The following CTR9 variants were observed in gnomAD, a reference collection of about 807,000 sequenced individuals.
CTR9 encodes CTR9 component of Paf1/RNA polymerase II complex.
A neutral mutation model predicts 152.1 loss-of-function variants in CTR9; 41 were observed. The ratio of observed to expected loss-of-function variants is 0.27; its 90% CI spans 0.21 to 0.35. The LOEUF (loss-of-function observed/expected upper bound fraction) is 0.35. Ranked by LOEUF, CTR9 falls within the 10% of genes least tolerant of loss-of-function variation. The pLI, the probability that CTR9 is intolerant of heterozygous loss-of-function variation, is 1.00. For missense variants in CTR9, 917 were observed against 1,424.4 expected (o/e 0.64, Z 5.73); for synonymous variants, 476 against 496.2 (o/e 0.96, Z 0.54).
chr11:10,756,684 TG>T, intron 4 of CTR9, 64 bp from the exon 5 acceptor site: 2 of 1,089,290 alleles, frequency 1.8e-6, no homozygotes, highest in Non-Finnish European at 2.7e-6. Flanking sequence ...GATAAGTTAG[TG>T]TAAAACATAA....
At chr11:10,760,443 T>C in intron 6 of CTR9, 122 bp downstream of exon 6, 1 of 932,428 alleles carries the variant, frequency 1.1e-6, no homozygotes, top group East Asian at 2.6e-5. Flanking sequence ...GAAGGGTACC[T>C]GTACTTTGTA....
intron 22 of CTR9, 68 bp from the exon 23 acceptor site, chr11:10,775,139 T>C (rs760324567): frequency 1.8e-5 from 22 of 1,254,814 alleles, no homozygotes; most frequent in Non-Finnish European, 2.4e-5. Flanking sequence ...AATAATTTAA[T>C]GGCAAAGTAG....
chr11:10,765,474 G>A (rs1485347397), intron 12 of CTR9, among the ~76,000 whole-genome samples: 1 of 151,844 alleles, frequency 6.6e-6, no homozygotes. Context: ...GTTTTGTTTT[G>A]TTTTTAAGAT....
intron 24 of CTR9, among the ~76,000 whole-genome samples, chr11:10,777,653 G>A (rs1469917375): frequency 6.6e-6 from 1 of 152,198 alleles, no homozygotes; most frequent in African/African-American, 2.4e-5. Flanking sequence ...TCAAGGCCAA[G>A]TTTGTTTGAG....
At chr11:10,756,176 G>GT (rs1292795688) in intron 4 of CTR9, among the ~76,000 whole-genome samples, 1 of 152,092 alleles carries the variant, frequency 6.6e-6, no homozygotes, top group Non-Finnish European at 1.5e-5. Context: ...AGAGTAATTG[G>GT]TTATACACTT....
chr11:10,765,989 G>A (rs1400621823), intron 12 of CTR9, among the ~76,000 whole-genome samples: 1 of 152,086 alleles, frequency 6.6e-6, no homozygotes, highest in Admixed American at 6.5e-5. Context: ...TTAGAGCCCA[G>A]ATCTTCTAAG....
rs114777046 is a variant in CTR9, at chr11:10,763,229, T to C, written c.850-202T>C. 7.6e-3 allele frequency among the ~76,000 whole-genome samples: 1,114 copies of C among 147,524 alleles called. 17 individuals are homozygous for C. Among genetic ancestry groups the C allele is most frequent in the African/African-American group, 0.026 (1,062 of 40,162 alleles). ...TGACCTTAGACTAACCACAGTGCTT[T>C]ACTCTTTCTGGCTGTAGAAACATAC... On this transcript the variant is annotated intron_variant, in intron 7 of 24. Coordinates refer to ENST00000361367, the MANE Select transcript of CTR9 (RefSeq NM_014633.5).
At position 10,768,141 on chromosome 11, in the gene CTR9, T is replaced by C; in HGVS notation, c.1940T>C (p.Leu647Pro). Residue 647 changes from leucine to proline, a missense_variant, in exon 15 of 25, where the codon CTG becomes CCG. Leu to Pro is a moderately conservative substitution (Grantham distance 98). Around this residue, in one of 9 missense-constraint regions of CTR9, gnomAD observed 87 missense variants for 235.7 expected, o/e 0.37. Transcript: ENST00000361367. ...GTACTCAGAAATGATGCAAAGAATCTGTATGCTGCCAATGGCATAGGTGAT... is the reference window on the plus strand; with the variant it reads ...GTACTCAGAAATGATGCAAAGAATCCGTATGCTGCCAATGGCATAGGTGAT... Reference protein sequence around the residue: ...KQVLRNDAKNLYAANGIGAVL... With the variant: ...KQVLRNDAKNPYAANGIGAVL... 6.2e-7 allele frequency: 1 copy of C among 1,613,976 alleles called. No individual in the cohort carries two copies. The highest frequency in any genetic ancestry group is 8.5e-7 in the Non-Finnish European group (1 of 1,179,940).
rs1055494779 is a variant in CTR9 at position 10,764,864 on chromosome 11, C to A, written c.1597+133C>A. On this transcript the variant is annotated intron_variant, in intron 12 of 24. Coordinates refer to ENST00000361367, the MANE Select transcript of CTR9 (RefSeq NM_014633.5). The stretch of plus-strand genomic sequence containing the variant: ...TTCTAATGTCCCCATTTCTCCAGGG[C>A]AAATTTGTGGCCTTAAAACAAAGGT... The A allele has an allele frequency of 5.1e-6, 4 of 777,930 alleles. No individual in the cohort carries two copies. In the African/African-American group the frequency reaches 5.2e-5, roughly 10 times the overall value. The allele number at this position is 777,930 out of a possible 1,614,324, so 48.2% of individuals were successfully genotyped here.
intron 6 of CTR9, among the ~76,000 whole-genome samples, chr11:10,761,250 T>G (rs1862971402): frequency 6.6e-6 from 1 of 152,164 alleles, no homozygotes; most frequent in Non-Finnish European, 1.5e-5. Context: ...AGGAAAAGAT[T>G]ATCTGGACTG....
At chr11:10,764,223 A>G (rs770505825) in intron 10 of CTR9, 22 bp downstream of exon 10, 5 of 1,613,408 alleles carry the variant, frequency 3.1e-6, no homozygotes, top group Non-Finnish European at 3.4e-6. Flanking sequence ...ATGTTTTTTA[A>G]TCTCTCATAT....
Position 10,779,259 on chromosome 11 carries a change from C to T in CTR9, c.*154C>T, listed in dbSNP as rs546879477. The stretch of plus-strand genomic sequence containing the variant: ...TTGTATATTACTAAGCCCCAAGAGA[C>T]ATTTCCTGTGCTAGAGTCCAATATT... On this transcript the variant is annotated 3_prime_UTR_variant, in exon 25 of 25. Coordinates refer to ENST00000361367, the MANE Select transcript of CTR9 (RefSeq NM_014633.5). The T allele has an allele frequency of 1.1e-5, 8 of 698,318 alleles. No homozygotes were observed. In the South Asian group the frequency reaches 1.4e-4, roughly 12 times the overall value. 43.3% of individuals were successfully genotyped at this position (698,318 alleles called of 1,614,324 possible).
chr11:10,775,212 C>T lies in CTR9; in HGVS notation c.2891C>T (p.Pro964Leu). ...CTTGGTGTTCACTATTTAAGACATC[C>T]AAAGGGAGAAGAAGGATCTGATGAT... is the stretch of plus-strand genomic sequence containing the variant. ...ERKKKKRRRH[P>L]KGEEGSDDDE... The change falls in exon 23 of 25, where the codon CCA becomes CTA. Residue 964 changes from proline to leucine, a missense_variant. Physicochemically the swap from Pro to Leu is moderately conservative, Grantham distance 98. Around this residue, in one of 9 missense-constraint regions of CTR9, gnomAD observed 384 missense variants for 398.4 expected, o/e 0.96. Coordinates refer to ENST00000361367, the MANE Select transcript of CTR9 (RefSeq NM_014633.5). 1 of 1,613,098 alleles carries T rather than the reference C, an allele frequency of 6.2e-7. No homozygotes were observed. Among genetic ancestry groups the T allele is most frequent in the African/African-American group, 1.3e-5 (1 of 74,942 alleles).
At chr11:10,754,721 A>G (rs1862858191) in intron 2 of CTR9, among the ~76,000 whole-genome samples, 1 of 152,120 alleles carries the variant, frequency 6.6e-6, no homozygotes, top group Non-Finnish European at 1.5e-5. Flanking sequence ...CATTCAGCAT[A>G]ATTATTTTGA....
At position 10,775,606 on chromosome 11, in the gene CTR9, A is replaced by G. The variant is rs1169601419; in HGVS notation, c.3068A>G (p.Glu1023Gly). The G allele has an allele frequency of 3.7e-6, 6 of 1,611,708 alleles. No individual in the cohort carries two copies. The highest frequency in any genetic ancestry group is 4.2e-6 in the Non-Finnish European group (5 of 1,178,550). Reference sequence around the variant, plus strand: ...TCATCAAGTGATGACTCTTCGGATGAGGATAAACTTAAAATTGCTGATGAA... The same window carrying G: ...TCATCAAGTGATGACTCTTCGGATGGGGATAAACTTAAAATTGCTGATGAA... ...IISSSDDSSD[E>G]DKLKIADEGH... The change falls in exon 24 of 25, where the codon GAG becomes GGG. Residue 1023 changes from glutamate (E) to glycine (G), a missense_variant. Glu to Gly is a moderately conservative substitution (Grantham distance 98, BLOSUM62 -2). Around this residue, in one of 9 missense-constraint regions of CTR9, gnomAD observed 384 missense variants for 398.4 expected, o/e 0.96. Coordinates refer to ENST00000361367, the MANE Select transcript of CTR9 (RefSeq NM_014633.5).
In CTR9 at chr11:10,755,759, CTCAA is replaced by C; in HGVS notation, c.470_473del (p.Asn157SerfsTer45). ...AGCTGATGCACAGTTTCATTTTGTA[CTCAA>C]TCAGTCTCCAAATAATATTCCAGCC... On this transcript the variant is annotated frameshift_variant, in exon 4 of 25. Coordinates refer to ENST00000361367, the MANE Select transcript of CTR9 (RefSeq NM_014633.5). LOFTEE classifies it high-confidence loss of function. 1 of 1,612,532 alleles carries C rather than the reference CTCAA, an allele frequency of 6.2e-7. No homozygotes were observed. The highest frequency in any genetic ancestry group is 8.5e-7 in the Non-Finnish European group (1 of 1,178,854).
At position 10,773,235 on chromosome 11, in the gene CTR9, G is replaced by A; in HGVS notation, c.2689G>A (p.Ala897Thr). The change falls in exon 21 of 25, where the codon GCA becomes ACA. Residue 897 changes from alanine to threonine, a missense_variant. Transcript: ENST00000361367. ...TCTTATGTTTACTGGTGAGACTGAA[G>A]CAACAAAAGAGAAGAAAAGAGGTGG... is the stretch of plus-strand genomic sequence containing the variant. ...NILMFTGETE[A>T]TKEKKRGGGG... The A allele has an allele frequency of 6.2e-7, 1 of 1,613,140 alleles. No homozygotes were observed. Among genetic ancestry groups the A allele is most frequent in the Non-Finnish European group, 8.5e-7 (1 of 1,179,802 alleles).
chr11:10,761,732 AAG>A (rs1354073182), intron 6 of CTR9, among the ~76,000 whole-genome samples: 2 of 152,190 alleles, frequency 1.3e-5, no homozygotes, highest in African/African-American at 4.8e-5. Context: ...AGAAAATAAA[AAG>A]GGGAAAAAAG....
chr11:10,774,293 C>T (rs906115220), intron 22 of CTR9, 124 bp downstream of exon 22: 7 of 1,191,940 alleles, frequency 5.9e-6, no homozygotes, highest in East Asian at 2.5e-5. Context: ...CTTTTTGTGC[C>T]CCCACTTCCT....
Sources: allele counts gnomAD v4.1 joint callset (sites outside exome capture counted in the v4.1 genomes callset), GRCh38; gene constraint gnomAD v4.1.1; regional missense constraint gnomAD v4.1.1; transcripts MANE v1.5; gene names NCBI Gene and HGNC (gene_info 2026-07-23, HGNC 2026-07-21).